Variants in CUX2 observed in about 807,000 individuals in gnomAD.
The protein encoded by CUX2 is homeobox protein cut-like 2.
A neutral mutation model predicts 144.8 loss-of-function variants in CUX2; 40 were observed. The ratio of observed to expected loss-of-function variants is 0.28; its 90% CI spans 0.21 to 0.36. The LOEUF (loss-of-function observed/expected upper bound fraction) is 0.36. Among genes scored for constraint, CUX2 ranks in the 10% least tolerant of loss-of-function variants. CUX2 has a pLI of 1.00. For missense variants in CUX2, 1,615 were observed against 1,994.0 expected (o/e 0.81, Z 3.62); for synonymous variants, 827 against 875.6 (o/e 0.94, Z 0.98).
At chr12:111,341,563 G>A (rs186955540) in intron 20 of CUX2, among the ~76,000 whole-genome samples, 3 of 152,098 alleles carry the variant, frequency 2.0e-5, no homozygotes, top group African/African-American at 7.2e-5. Context: ...CCGGGCGGGC[G>A]AGGTTAGGCT....
intron 1 of CUX2, among the ~76,000 whole-genome samples, chr12:111,199,589 A>G (rs1267879092): frequency 6.6e-6 from 1 of 152,164 alleles, no homozygotes; most frequent in Non-Finnish European, 1.5e-5. Context: ...AGAGAAGGTC[A>G]CGGATCCACA....
At chr12:111,336,313 T>C (rs1385080653) in intron 19 of CUX2, among the ~76,000 whole-genome samples, 1 of 152,048 alleles carries the variant, frequency 6.6e-6, no homozygotes, top group Non-Finnish European at 1.5e-5. Flanking sequence ...ATTCCTGTTA[T>C]AAAAATAAGA....
At chr12:111,305,536 A>C (rs191039744) in intron 10 of CUX2, among the ~76,000 whole-genome samples, 24 of 152,224 alleles carry the variant, frequency 1.6e-4, no homozygotes, top group Admixed American at 1.2e-3. Context: ...AGGGTTATTA[A>C]AAGGATTACA....
intron 21 of CUX2, among the ~76,000 whole-genome samples, chr12:111,343,942 A>G (rs1888686718): frequency 6.6e-6 from 1 of 152,108 alleles, no homozygotes; most frequent in Non-Finnish European, 1.5e-5. Flanking sequence ...AATTCCAGCT[A>G]CTCAGGAGGC....
chr12:111,253,767 A>C (rs1267545812), intron 3 of CUX2, among the ~76,000 whole-genome samples: 1 of 151,600 alleles, frequency 6.6e-6, no homozygotes, highest in East Asian at 1.9e-4. Context: ...AATGCTTTGC[A>C]TGTATGATTT....
rs1878500802 is a variant in CUX2, at chr12:111,171,223, A to G, written c.64-42977A>G. ...GACGGGGTGCAGAGTATGGAAGGAA[A>G]GCCTCGAGTTTGACCTTCACACACA... On this transcript the variant is annotated intron_variant, in intron 1 of 21. Coordinates refer to ENST00000261726, the MANE Select transcript of CUX2 (RefSeq NM_015267.4). This position sits in a 1 kb window ranked among gnomAD's most constrained non-coding sequence, Gnocchi z 5.0. Among the ~76,000 whole-genome samples, 1 of 152,028 alleles carries G rather than the reference A, an allele frequency of 6.6e-6. No individual in the cohort carries two copies. The highest frequency in any genetic ancestry group is 1.5e-5 in the Non-Finnish European group (1 of 67,990).
chr12:111,266,798 G>A (rs891489072), intron 4 of CUX2, among the ~76,000 whole-genome samples: 3 of 152,200 alleles, frequency 2.0e-5, no homozygotes, highest in African/African-American at 4.8e-5. Context: ...CTTGCCCTCC[G>A]ACAGCGTGTG....
intron 3 of CUX2, among the ~76,000 whole-genome samples, chr12:111,254,886 G>A (rs972152224): frequency 6.6e-6 from 1 of 152,144 alleles, no homozygotes; most frequent in African/African-American, 2.4e-5. Flanking sequence ...GCCTTGCGCT[G>A]TCACCCAGGC....
chr12:111,100,064 G>C (rs1457671491), intron 1 of CUX2: 1 of 456,824 alleles, frequency 2.2e-6, no homozygotes, highest in Non-Finnish European at 4.4e-6. Context: ...GGCTGTGTCT[G>C]GACACTTCTG....
At chr12:111,332,045 C>T (rs552379672) in intron 18 of CUX2, among the ~76,000 whole-genome samples, 1 of 151,138 alleles carries the variant, frequency 6.6e-6, no homozygotes, top group South Asian at 2.1e-4. Flanking sequence ...TGCCACTGCA[C>T]TCCAGCCTGG....
At chr12:111,116,026 C>T (rs1014215293) in intron 1 of CUX2, among the ~76,000 whole-genome samples, 3 of 152,212 alleles carry the variant, frequency 2.0e-5, no homozygotes, top group Admixed American at 6.5e-5. Context: ...TGATGGAGAA[C>T]CCAAGCCCTA....
chr12:111,231,672 G>A (rs949555223), intron 3 of CUX2, among the ~76,000 whole-genome samples: 2 of 152,082 alleles, frequency 1.3e-5, no homozygotes, highest in Admixed American at 1.3e-4. Context: ...ACCAGCCTCA[G>A]ATCAGCAATA....
At chr12:111,063,062 G>C (rs990624579) in intron 1 of CUX2, among the ~76,000 whole-genome samples, 2 of 152,182 alleles carry the variant, frequency 1.3e-5, no homozygotes, top group Non-Finnish European at 2.9e-5. Context: ...CAGAGAGCCT[G>C]GGCTGGGAGA....
chr12:111,228,388 G>A (rs1010851313), intron 3 of CUX2, among the ~76,000 whole-genome samples: 4 of 152,070 alleles, frequency 2.6e-5, no homozygotes, highest in Non-Finnish European at 5.9e-5. Context: ...CTGCATATAT[G>A]CAGGTTTCAC....
chr12:111,217,873 G>C lies in CUX2; in HGVS notation c.175-17G>C. The C allele has an allele frequency of 6.2e-7, 1 of 1,614,118 alleles. No homozygotes were observed. Among genetic ancestry groups the C allele is most frequent in the South Asian group, 1.1e-5 (1 of 91,080 alleles). On this transcript the variant is annotated splice_polypyrimidine_tract_variant and intron_variant, in intron 2 of 21. Coordinates refer to ENST00000261726, the MANE Select transcript of CUX2 (RefSeq NM_015267.4). ...CACCTGGCACTGTAGTGAACTCTTTGCTGATCTCTTTTTCAGGAAATCAGA... is the reference window on the plus strand; with the variant it reads ...CACCTGGCACTGTAGTGAACTCTTTCCTGATCTCTTTTTCAGGAAATCAGA...
intron 1 of CUX2, among the ~76,000 whole-genome samples, chr12:111,126,601 A>C (rs946120853): frequency 2.6e-5 from 4 of 152,174 alleles, no homozygotes; most frequent in African/African-American, 9.7e-5. Context: ...TGTTCTGTTC[A>C]GGCTGTCAGC....
At chr12:111,188,958 C>T (rs1300686900) in intron 1 of CUX2, among the ~76,000 whole-genome samples, 4 of 152,148 alleles carry the variant, frequency 2.6e-5, no homozygotes, top group African/African-American at 9.7e-5. Context: ...AAAGCTGATC[C>T]TCCCTCCCTT....
chr12:111,206,550 T>C (rs1449553215), intron 1 of CUX2, among the ~76,000 whole-genome samples: 1 of 152,236 alleles, frequency 6.6e-6, no homozygotes, highest in Non-Finnish European at 1.5e-5. Context: ...AGTGTTAGAA[T>C]GGCTCTCCTT....
At chr12:111,339,265 A>G (rs552680336) in intron 20 of CUX2, among the ~76,000 whole-genome samples, 48 of 151,622 alleles carry the variant, frequency 3.2e-4, no homozygotes, top group Non-Finnish European at 5.9e-4. Flanking sequence ...GAAACCTAAC[A>G]CCCCATCTCT....
Sources: gnomAD v4.1 joint callset for allele counts (sites outside exome capture counted in the v4.1 genomes callset) on GRCh38, gnomAD v4.1.1 for gene constraint, Gnocchi (gnomAD v3.1) non-coding constraint, MANE v1.5 for transcripts, NCBI Gene and HGNC (gene_info 2026-07-23, HGNC 2026-07-21) for gene names.